The following OSGIN2 variants were observed in gnomAD, a reference collection of about 807,000 sequenced individuals.
OSGIN2 encodes the protein oxidative stress induced growth inhibitor family member 2, also known as oxidative stress-induced growth inhibitor 2.
A neutral mutation model predicts 53.8 loss-of-function variants in OSGIN2; 19 were observed. That is an observed-to-expected ratio of 0.35 (90% CI 0.25 to 0.52). OSGIN2 has a LOEUF of 0.52. Ranked by LOEUF, OSGIN2 falls within the 20% of genes least tolerant of loss-of-function variation. The probability of loss-of-function intolerance (pLI) is 0.95; values close to 1 mark genes in which losing one functional copy is unlikely to be tolerated. For missense variants in OSGIN2, 520 were observed against 662.7 expected (o/e 0.78, Z 2.36); for synonymous variants, 236 against 236.0 (o/e 1.00, Z 0.00).
intron 1 of OSGIN2, among the ~76,000 whole-genome samples, chr8:89,908,307 C>T (rs1183167197): frequency 6.6e-6 from 1 of 152,076 alleles, no homozygotes; most frequent in Non-Finnish European, 1.5e-5. Flanking sequence ...TCAAAAGAGG[C>T]TATGTAAGGG....
chr8:89,919,245 G>A (rs1336498520), intron 4 of OSGIN2, among the ~76,000 whole-genome samples: 2 of 152,124 alleles, frequency 1.3e-5, no homozygotes, highest in Admixed American at 6.5e-5. Context: ...CAGTAAAGAT[G>A]GTGTACTTGT....
At chr8:89,906,854 A>G (rs1244265700) in intron 1 of OSGIN2, among the ~76,000 whole-genome samples, 1 of 152,198 alleles carries the variant, frequency 6.6e-6, no homozygotes, top group African/African-American at 2.4e-5. Context: ...AGGAATCACC[A>G]CACTATTCCA....
Position 89,908,769 on chromosome 8 carries a change from A to G in OSGIN2, c.45-798A>G, listed in dbSNP as rs539981976. On this transcript the variant is annotated intron_variant, in intron 1 of 5. Coordinates refer to ENST00000451899, the MANE Select transcript of OSGIN2 (RefSeq NM_001126111.3). ...TTCTAGAGAGCCAATTGAGAAAGAAAAATTGGAAAATAACATTAAGAAATT... is the reference window on the plus strand; with the variant it reads ...TTCTAGAGAGCCAATTGAGAAAGAAGAATTGGAAAATAACATTAAGAAATT... 3.9e-5 allele frequency among the ~76,000 whole-genome samples: 6 copies of G among 152,200 alleles called. No homozygotes were observed. The South Asian group carries it at 8.3e-4, about 21-fold the overall frequency.
intron 1 of OSGIN2, among the ~76,000 whole-genome samples, chr8:89,904,921 A>AG (rs1304949455): frequency 2.6e-5 from 4 of 152,248 alleles, no homozygotes; most frequent in African/African-American, 9.6e-5. Context: ...AACTTTCCAA[A>AG]GGAAAAAACC....
chr8:89,915,017 T>C (rs1809047694), intron 4 of OSGIN2, among the ~76,000 whole-genome samples: 1 of 152,232 alleles, frequency 6.6e-6, no homozygotes, highest in Admixed American at 6.5e-5. Context: ...GAATGTTTTG[T>C]ATAATAAAAA....
intron 5 of OSGIN2, among the ~76,000 whole-genome samples, chr8:89,923,626 T>C (rs1351602490): frequency 6.6e-6 from 1 of 152,220 alleles, no homozygotes; most frequent in African/African-American, 2.4e-5. Flanking sequence ...TTTGCCCAAC[T>C]GTAGGCTAGT....
At chr8:89,915,437 A>C (rs1032825929) in intron 4 of OSGIN2, among the ~76,000 whole-genome samples, 5 of 152,168 alleles carry the variant, frequency 3.3e-5, no homozygotes, top group Non-Finnish European at 7.4e-5. Flanking sequence ...CAAAAGCATC[A>C]CATTGGGGGT....
rs1426823470 is a variant in OSGIN2, at chr8:89,925,562, GT to G, written c.*33del. 1 of 1,558,758 alleles carries G rather than the reference GT, an allele frequency of 6.4e-7. No individual in the cohort carries two copies. ...AGTTTACAAGTAATTAAAATGGACA[GT>G]TTGCCATTAAAGATTTTTAATAGTG... On this transcript the variant is annotated 3_prime_UTR_variant, in exon 6 of 6. Coordinates refer to ENST00000451899, the MANE Select transcript of OSGIN2 (RefSeq NM_001126111.3).
rs908274531 is a variant in OSGIN2, at chr8:89,914,198, T to G, written c.321T>G (p.Leu107=). The change falls in exon 3 of 6, where the codon CTT becomes CTG. Residue 107 remains leucine (L), a synonymous_variant. Coordinates refer to ENST00000451899, the MANE Select transcript of OSGIN2 (RefSeq NM_001126111.3). ...LNSKLEEARH[L]SIVDQDLEYL... is the part of the protein sequence containing the mutation. ...GTAAATTAGAAGAAGCAAGACATCT[T>G]TCCATTGTTGATCAGGTATTATTTC... The G allele has an allele frequency of 1.3e-6, 2 of 1,599,542 alleles. No homozygotes were observed. The highest frequency in any genetic ancestry group is 2.7e-5 in the African/African-American group (2 of 74,306).
chr8:89,902,868 C>A, intron 1 of OSGIN2, 31 bp downstream of exon 1: 1 of 1,348,076 alleles, frequency 7.4e-7, no homozygotes, highest in Admixed American at 2.8e-5. Flanking sequence ...GGGAGGGGAG[C>A]AGGCGGGGAT....
intron 1 of OSGIN2, among the ~76,000 whole-genome samples, chr8:89,908,407 A>T (rs572663437): frequency 6.6e-6 from 1 of 152,138 alleles, no homozygotes; most frequent in Non-Finnish European, 1.5e-5. Context: ...CCTAGGGTAG[A>T]CTGGGAACTC....
At chr8:89,906,829 A>G (rs1808849057) in intron 1 of OSGIN2, among the ~76,000 whole-genome samples, 1 of 152,090 alleles carries the variant, frequency 6.6e-6, no homozygotes, top group Non-Finnish European at 1.5e-5. Flanking sequence ...TGGTATTTCT[A>G]TCTTTAGGTC....
At chr8:89,911,863 G>A (rs138409542) in intron 2 of OSGIN2, among the ~76,000 whole-genome samples, 5 of 151,322 alleles carry the variant, frequency 3.3e-5, no homozygotes, top group South Asian at 2.1e-4. Context: ...GTGTGAACCC[G>A]TGAGGCAGAG....
rs146416515 is a variant in OSGIN2, at chr8:89,915,533, C to T, written c.528+787C>T. Among the ~76,000 whole-genome samples the T allele has an allele frequency of 5.1e-3, 770 of 152,282 alleles. 4 individuals carry two copies. Among genetic ancestry groups the T allele is most frequent in the Non-Finnish European group, 8.3e-3 (565 of 68,010 alleles). On this transcript the variant is annotated intron_variant, in intron 4 of 5. Transcript: ENST00000451899. Reference sequence around the variant, plus strand: ...CCAGAGAACCAGTGAATTAAGGATTCACTCAGTGCATTTCATTAGGGGGCC... The same window carrying T: ...CCAGAGAACCAGTGAATTAAGGATTTACTCAGTGCATTTCATTAGGGGGCC...
In OSGIN2 at chr8:89,925,008, C is replaced by T. The variant is rs765789402; in HGVS notation, c.1126C>T (p.Arg376Cys). 12 of 1,613,822 alleles carry T rather than the reference C, an allele frequency of 7.4e-6. No homozygotes were observed. Among genetic ancestry groups the T allele is most frequent in the Admixed American group, 1.7e-5 (1 of 59,968 alleles). The change falls in exon 6 of 6, where the codon CGC becomes TGC. Residue 376 changes from arginine to cysteine, a missense_variant. This residue lies in a region of OSGIN2 where 239 missense variants were observed against 328.3 expected (regional missense o/e 0.73). Transcript: ENST00000451899. Reference sequence around the variant, plus strand: ...TAATATCCCTGTGATTCATGTGTTTCGCAGACGAGTAACTGATCCAAGCTT... The same window carrying T: ...TAATATCCCTGTGATTCATGTGTTTTGCAGACGAGTAACTGATCCAAGCTT... Reference protein sequence around the residue: ...NSNIPVIHVFRRRVTDPSLIF... With the variant: ...NSNIPVIHVFCRRVTDPSLIF...
chr8:89,913,304 ACC>A (rs1029387707), intron 2 of OSGIN2, among the ~76,000 whole-genome samples: 2 of 152,078 alleles, frequency 1.3e-5, no homozygotes, highest in African/African-American at 4.8e-5. Context: ...CTTTGCCTAT[ACC>A]CAGGAGTGAG....
intron 1 of OSGIN2, among the ~76,000 whole-genome samples, chr8:89,903,976 C>G (rs954703314): frequency 6.6e-6 from 1 of 152,060 alleles, no homozygotes; most frequent in East Asian, 1.9e-4. Flanking sequence ...GAAGCGTCAT[C>G]CTATAGTAAA....
chr8:89,924,701 CTT>C lies in OSGIN2; in HGVS notation c.821_822del (p.Phe274TyrfsTer8), dbSNP rs1809278736. 6.2e-7 allele frequency: 1 copy of C among 1,614,030 alleles called. No homozygotes were observed. Among genetic ancestry groups the C allele is most frequent in the Non-Finnish European group, 8.5e-7 (1 of 1,179,910 alleles). On this transcript the variant is annotated frameshift_variant, in exon 6 of 6. Coordinates refer to ENST00000451899, the MANE Select transcript of OSGIN2 (RefSeq NM_001126111.3). LOFTEE classifies it high-confidence loss of function. Reference sequence around the variant, plus strand: ...AGCATTTACAGATAGAGAAGTCAAACTTTATCAAGAGAAACTGGGAAATTAGG... The same window carrying C: ...AGCATTTACAGATAGAGAAGTCAAACTATCAAGAGAAACTGGGAAATTAGG... ...TKHLQIEKSNFIKRNWEIRGY... is the reference protein window; with the variant it reads ...TKHLQIEKSNXIKRNWEIRGY...
intron 1 of OSGIN2, among the ~76,000 whole-genome samples, chr8:89,906,444 G>C (rs149081116): frequency 6.6e-6 from 1 of 152,186 alleles, no homozygotes; most frequent in Non-Finnish European, 1.5e-5. Flanking sequence ...CTTCATCCTC[G>C]GGTGGGCCCC....
Sources: gnomAD v4.1 joint callset for allele counts (sites outside exome capture counted in the v4.1 genomes callset) on GRCh38, gnomAD v4.1.1 for gene constraint, gnomAD v4.1.1 regional missense constraint, MANE v1.5 for transcripts, NCBI Gene and HGNC (gene_info 2026-07-23, HGNC 2026-07-21) for gene names.